Variants in FAM135B observed in about 807,000 individuals in gnomAD.
FAM135B encodes the protein family with sequence similarity 135 member B, also known as protein FAM135B.
FAM135B carries 43 observed loss-of-function variants against 127.7 expected under a neutral mutation model. That is an observed-to-expected ratio of 0.34 (90% CI 0.26 to 0.43). The LOEUF (loss-of-function observed/expected upper bound fraction) is 0.43, where lower values mean the gene tolerates loss of function less well. FAM135B is among the 20% of genes least tolerant of loss of function. The pLI, the probability that FAM135B is intolerant of heterozygous loss-of-function variation, is 1.00. For synonymous variants in FAM135B, 670 were observed against 665.1 expected, an observed-to-expected ratio of 1.01 and a Z score of -0.11; for missense variants, 1,558 against 1,725.6, an observed-to-expected ratio of 0.90 and a Z score of 1.72.
intron 1 of FAM135B, among the ~76,000 whole-genome samples, chr8:138,432,764 T>C (rs899135319): frequency 6.6e-6 from 1 of 152,110 alleles, no homozygotes; most frequent in Non-Finnish European, 1.5e-5. Flanking sequence ...ACATGTACCA[T>C]GACATCTAAC....
intron 2 of FAM135B, among the ~76,000 whole-genome samples, chr8:138,366,476 C>CA (rs1262051020): frequency 6.6e-6 from 1 of 152,116 alleles, no homozygotes; most frequent in African/African-American, 2.4e-5. Context: ...AGAGGACTTC[C>CA]AGAAGGATGC....
Position 138,366,720 on chromosome 8 carries a change from T to C in FAM135B, c.77+1187A>G, listed in dbSNP as rs190542493. Among the ~76,000 whole-genome samples the C allele has an allele frequency of 1.6e-3, 249 of 152,304 alleles. 2 individuals carry two copies. Among genetic ancestry groups the C allele is most frequent in the Non-Finnish European group, 2.9e-3 (197 of 68,022 alleles). The stretch of plus-strand genomic sequence containing the variant: ...GAAGCATTAAACTCAGGGTTGTCTT[T>C]TCACAACTGGAGTCTAATCTTGGAG... On this transcript the variant is annotated intron_variant, in intron 2 of 19. Transcript: ENST00000395297.
chr8:138,416,733 C>G (rs1834178678), intron 1 of FAM135B, among the ~76,000 whole-genome samples: 1 of 152,034 alleles, frequency 6.6e-6, no homozygotes, highest in African/African-American at 2.4e-5. Flanking sequence ...CTTCTCCCAC[C>G]AAGATACCAA....
chr8:138,197,746 C>T (rs1392593117), intron 7 of FAM135B, 77 bp from the exon 8 acceptor site: 7 of 1,476,032 alleles, frequency 4.7e-6, no homozygotes, highest in African/African-American at 2.8e-5. Flanking sequence ...ATGCTCCATC[C>T]ACCCGCACCA....
intron 19 of FAM135B, among the ~76,000 whole-genome samples, chr8:138,135,991 AGAAAG>A (rs1471916169): frequency 6.6e-6 from 1 of 152,112 alleles, no homozygotes; most frequent in African/African-American, 2.4e-5. Flanking sequence ...AGGTGGAGTT[AGAAAG>A]GATCATAAAT....
At chr8:138,377,757 T>C (rs1183109220) in intron 1 of FAM135B, among the ~76,000 whole-genome samples, 1 of 152,206 alleles carries the variant, frequency 6.6e-6, no homozygotes, top group Non-Finnish European at 1.5e-5. Flanking sequence ...CCTGTGAGAA[T>C]GTGCTGCCTT....
intron 1 of FAM135B, among the ~76,000 whole-genome samples, chr8:138,413,060 C>G (rs1833949096): frequency 6.6e-6 from 1 of 152,168 alleles, no homozygotes; most frequent in Non-Finnish European, 1.5e-5. Flanking sequence ...GACCGTATTC[C>G]TTTTAATTTG....
chr8:138,205,747 A>T (rs369295335), intron 7 of FAM135B, among the ~76,000 whole-genome samples: 2 of 152,230 alleles, frequency 1.3e-5, no homozygotes, highest in East Asian at 3.9e-4. Context: ...TATTAATACC[A>T]TTGGAGTCAA....
chr8:138,318,927 C>A (rs1022922078), intron 2 of FAM135B, among the ~76,000 whole-genome samples: 5 of 152,148 alleles, frequency 3.3e-5, no homozygotes, highest in Non-Finnish European at 7.3e-5. Flanking sequence ...AGTCATAAAT[C>A]CACAAACCAC....
chr8:138,232,543 T>G (rs1819978632), intron 7 of FAM135B, among the ~76,000 whole-genome samples: 1 of 152,200 alleles, frequency 6.6e-6, no homozygotes, highest in Non-Finnish European at 1.5e-5. Flanking sequence ...CCCCCCTTAG[T>G]GTGTGTATGG....
At chr8:138,444,344 A>G (rs370012377) in intron 1 of FAM135B, among the ~76,000 whole-genome samples, 1 of 152,222 alleles carries the variant, frequency 6.6e-6, no homozygotes, top group Non-Finnish European at 1.5e-5. Context: ...TCAACAGAAT[A>G]TACATTCTTC....
At chr8:138,177,585 A>G (rs913011529) in intron 10 of FAM135B, among the ~76,000 whole-genome samples, 165 bp from the exon 11 acceptor site, 2 of 152,148 alleles carry the variant, frequency 1.3e-5, no homozygotes, top group African/African-American at 4.8e-5. Flanking sequence ...CATTCCTCCA[A>G]ACTGATCTCT....
chr8:138,299,004 G>A (rs1023341809), intron 3 of FAM135B, among the ~76,000 whole-genome samples: 5 of 151,216 alleles, frequency 3.3e-5, no homozygotes, highest in African/African-American at 9.7e-5. Flanking sequence ...AGGTTGCAAT[G>A]AGCCGAGATC....
chr8:138,289,737 T>C (rs940248772), intron 3 of FAM135B, among the ~76,000 whole-genome samples: 1 of 152,220 alleles, frequency 6.6e-6, no homozygotes, highest in African/African-American at 2.4e-5. Context: ...GCATATTACG[T>C]TGCCACCCAT....
chr8:138,287,235 G>T (rs1243852290), intron 3 of FAM135B, among the ~76,000 whole-genome samples: 6 of 152,068 alleles, frequency 3.9e-5, no homozygotes, highest in African/African-American at 1.4e-4. Context: ...CAAAGAAAAA[G>T]AAGCAAAAGT....
chr8:138,404,948 C>T (rs1322835270), intron 1 of FAM135B, among the ~76,000 whole-genome samples: 1 of 152,162 alleles, frequency 6.6e-6, no homozygotes, highest in Non-Finnish European at 1.5e-5. Context: ...CACCAATGTT[C>T]TTAATGGCAG....
chr8:138,311,481 G>A (rs1826681852), intron 2 of FAM135B, among the ~76,000 whole-genome samples: 1 of 152,142 alleles, frequency 6.6e-6, no homozygotes, highest in Admixed American at 6.5e-5. Context: ...TTCTCCTGAT[G>A]TCAGTTAACT....
chr8:138,459,142 G>T (rs1836978330), intron 1 of FAM135B: 1 of 152,200 alleles, frequency 6.6e-6, no homozygotes, highest in Admixed American at 6.5e-5. Context: ...ACAGGGATTT[G>T]CAGGAATCGT....
At chr8:138,451,947 A>G (rs1836508623) in intron 1 of FAM135B, among the ~76,000 whole-genome samples, 1 of 152,160 alleles carries the variant, frequency 6.6e-6, no homozygotes, top group East Asian at 1.9e-4. Context: ...GGCACAGCCC[A>G]TATTTTCCTC....
Sources: gnomAD v4.1 joint callset for allele counts (sites outside exome capture counted in the v4.1 genomes callset) on GRCh38, gnomAD v4.1.1 for gene constraint, MANE v1.5 for transcripts, NCBI Gene and HGNC (gene_info 2026-07-23, HGNC 2026-07-21) for gene names.